KLHL20: variants seen among roughly 807,000 people sequenced by gnomAD.
The protein encoded by KLHL20 is kelch-like protein 20.
Under a neutral mutation model 69.5 loss-of-function variants are expected in KLHL20, and 29 were observed. The observed-to-expected ratio is 0.42, with a 90% CI of 0.31 to 0.57. KLHL20 has a LOEUF of 0.57. KLHL20 is among the 20% of genes least tolerant of loss of function. The pLI, the probability that KLHL20 is intolerant of heterozygous loss-of-function variation, is 0.18. For missense variants in KLHL20, 419 were observed against 776.0 expected (o/e 0.54, Z 5.47); for synonymous variants, 253 against 265.2 (o/e 0.95, Z 0.45).
At chr1:173,783,241 G>T (rs1205872623) in intron 11 of KLHL20, among the ~76,000 whole-genome samples, 1 of 152,182 alleles carries the variant, frequency 6.6e-6, no homozygotes, top group Admixed American at 6.5e-5. Flanking sequence ...AGTGGTTAAG[G>T]TTGCACATCA....
chr1:173,720,705 A>G (rs991840987), intron 2 of KLHL20, among the ~76,000 whole-genome samples: 7 of 152,184 alleles, frequency 4.6e-5, no homozygotes, highest in African/African-American at 1.7e-4. Flanking sequence ...GAGAGCTTGT[A>G]TAATAGTAAA....
chr1:173,740,911 T>C (rs1272992880), intron 3 of KLHL20, among the ~76,000 whole-genome samples: 3 of 152,216 alleles, frequency 2.0e-5, no homozygotes, highest in Non-Finnish European at 4.4e-5. Context: ...CCTTCCCCAG[T>C]TCCACTGGCT....
intron 2 of KLHL20, 83 bp from the exon 3 acceptor site, chr1:173,733,630 C>T (rs1368700571): frequency 1.2e-5 from 14 of 1,155,904 alleles, no homozygotes; most frequent in South Asian, 9.4e-5. Context: ...ATTTCCTTAT[C>T]GCTTGAATTA....
chr1:173,766,684 T>G (rs1647739476), intron 8 of KLHL20, among the ~76,000 whole-genome samples: 1 of 151,504 alleles, frequency 6.6e-6, no homozygotes, highest in Non-Finnish European at 1.5e-5. Flanking sequence ...GAGCTGAATT[T>G]AGGACATTGG....
intron 2 of KLHL20, among the ~76,000 whole-genome samples, chr1:173,724,146 A>G (rs962431270): frequency 1.3e-5 from 2 of 151,484 alleles, no homozygotes; most frequent in Admixed American, 6.6e-5. Flanking sequence ...ATACACATAC[A>G]CATACATGAT....
intron 11 of KLHL20, 142 bp from the exon 12 acceptor site, chr1:173,785,021 A>G (rs1013835951): frequency 5.0e-6 from 3 of 597,792 alleles, no homozygotes; most frequent in Non-Finnish European, 8.5e-6. Flanking sequence ...TAGAATGAAG[A>G]CAATATTAGT....
At chr1:173,724,578 C>T (rs1671867008) in intron 2 of KLHL20, among the ~76,000 whole-genome samples, 1 of 152,126 alleles carries the variant, frequency 6.6e-6, no homozygotes, top group Non-Finnish European at 1.5e-5. Flanking sequence ...AATTATTTGT[C>T]AGTAATTTGT....
At chr1:173,757,463 T>C (rs1673599984) in intron 7 of KLHL20, among the ~76,000 whole-genome samples, 1 of 151,976 alleles carries the variant, frequency 6.6e-6, no homozygotes, top group African/African-American at 2.4e-5. Context: ...CATATATGCA[T>C]GCTGTTCTTT....
At position 173,755,956 on chromosome 1, in the gene KLHL20, A is replaced by G. The variant is rs763482323; in HGVS notation, c.885A>G (p.Leu295=). The G allele has an allele frequency of 3.1e-6, 5 of 1,614,026 alleles. 1 individual carries two copies. In the South Asian group the frequency reaches 3.3e-5, roughly 11 times the overall value. The change falls in exon 6 of 12, where the codon CTA becomes CTG. Residue 295 remains leucine (L), a synonymous_variant. Coordinates refer to ENST00000209884, the MANE Select transcript of KLHL20 (RefSeq NM_014458.4). ...DLVDEAKNYL[L]LPQERPLMQG... is the part of the protein sequence containing the mutation. ...TAGATGAGGCTAAAAACTACCTCCT[A>G]TTGCCGCAAGAACGACCACTAATGC...
chr1:173,735,076 G>C (rs563358375), intron 3 of KLHL20, among the ~76,000 whole-genome samples: 80 of 152,276 alleles, frequency 5.3e-4, no homozygotes, highest in Middle Eastern at 6.8e-3. Flanking sequence ...GAGACCAAGG[G>C]GGGTAGAGGA....
chr1:173,735,290 AC>A (rs1672474319), intron 3 of KLHL20, among the ~76,000 whole-genome samples: 2 of 152,190 alleles, frequency 1.3e-5, no homozygotes, highest in South Asian at 4.1e-4. Flanking sequence ...TACAAAAAAT[AC>A]AAAAATTAGT....
rs1673578587 is a variant in KLHL20 at position 173,757,017 on chromosome 1, C to T, written c.1009C>T (p.Arg337Ter). The T allele has an allele frequency of 2.5e-6, 4 of 1,613,924 alleles. No homozygotes were observed. The highest frequency in any genetic ancestry group is 1.1e-5 in the South Asian group (1 of 91,082). The stretch of plus-strand genomic sequence containing the variant: ...TGGAGATGCCATTTCCAGTGTTGAA[C>T]GATATGATCCACAGACCAATGAATG... ...CSGDAISSVE[R>*]YDPQTNEWRM... The change falls in exon 7 of 12, where the codon CGA (arginine) becomes TGA (stop). Residue 337 changes from arginine to a stop codon, truncating the protein, a stop_gained. Coordinates refer to ENST00000209884, the MANE Select transcript of KLHL20 (RefSeq NM_014458.4). LOFTEE classifies it high-confidence loss of function.
intron 2 of KLHL20, among the ~76,000 whole-genome samples, chr1:173,729,842 C>A (rs2102465615): frequency 6.6e-6 from 1 of 152,274 alleles, no homozygotes; most frequent in South Asian, 2.1e-4. Context: ...CACTCCTATT[C>A]AACATAGTGT....
At chr1:173,767,423 CAT>C (rs1166197756) in intron 8 of KLHL20, among the ~76,000 whole-genome samples, 1 of 152,098 alleles carries the variant, frequency 6.6e-6, no homozygotes, top group Non-Finnish European at 1.5e-5. Flanking sequence ...ATTACTGGAT[CAT>C]ATGATAGTTC....
intron 11 of KLHL20, among the ~76,000 whole-genome samples, chr1:173,782,779 A>G (rs756959026): frequency 6.6e-6 from 1 of 152,204 alleles, no homozygotes; most frequent in Admixed American, 6.5e-5. Context: ...GTTTAATTTT[A>G]CTTTGCTTTT....
At chr1:173,774,189 C>A in intron 8 of KLHL20, 116 bp from the exon 9 acceptor site, 3 of 1,175,616 alleles carry the variant, frequency 2.6e-6, no homozygotes, top group Non-Finnish European at 2.4e-6. Flanking sequence ...ATTTTCATTG[C>A]ACATTTGACT....
At chr1:173,767,750 T>A (rs1273780657) in intron 8 of KLHL20, among the ~76,000 whole-genome samples, 2 of 152,216 alleles carry the variant, frequency 1.3e-5, no homozygotes, top group Non-Finnish European at 2.9e-5. Context: ...TTCTTGCTGT[T>A]GAATTGTTTA....
chr1:173,785,354 G>A lies in KLHL20; in HGVS notation c.*107G>A, dbSNP rs774351573. The A allele has an allele frequency of 1.8e-4, 109 of 610,978 alleles. No homozygotes were observed. Among genetic ancestry groups the A allele is most frequent in the Non-Finnish European group, 2.0e-4 (79 of 385,408 alleles). The allele number at this position is 610,978 out of a possible 1,614,324, so 37.8% of individuals were successfully genotyped here. ...ATTAGAACAAATTTTATTATTTGCC[G>A]GTGCCTCAACAAATGGAAATACAAT... On this transcript the variant is annotated 3_prime_UTR_variant, in exon 12 of 12. Transcript: ENST00000209884.
chr1:173,778,873 G>C (rs1010257181), intron 10 of KLHL20, among the ~76,000 whole-genome samples: 2 of 151,494 alleles, frequency 1.3e-5, no homozygotes, highest in African/African-American at 4.9e-5. Context: ...TCTGCCTAAA[G>C]GTTTGTTGAT....
Sources: allele counts gnomAD v4.1 joint callset (sites outside exome capture counted in the v4.1 genomes callset), GRCh38; gene constraint gnomAD v4.1.1; transcripts MANE v1.5; gene names NCBI Gene and HGNC (gene_info 2026-07-23, HGNC 2026-07-21).